ZBTB20: variants seen among roughly 807,000 people sequenced by gnomAD.
ZBTB20 encodes zinc finger and BTB domain containing 20.
A neutral mutation model predicts 56.9 loss-of-function variants in ZBTB20; 9 were observed. The ratio of observed to expected loss-of-function variants is 0.16; its 90% CI spans 0.10 to 0.28. The LOEUF (loss-of-function observed/expected upper bound fraction) is 0.28, where lower values mean the gene tolerates loss of function less well. Ranked by LOEUF, ZBTB20 falls within the 10% of genes least tolerant of loss-of-function variation. The pLI is 1.00. For missense variants in ZBTB20, 655 were observed against 1,003.0 expected (o/e 0.65, Z 4.69); for synonymous variants, 417 against 420.7 (o/e 0.99, Z 0.11).
chr3:114,629,479 C>A (rs1399127973), intron 6 of ZBTB20, among the ~76,000 whole-genome samples: 1 of 152,048 alleles, frequency 6.6e-6, no homozygotes, highest in Non-Finnish European at 1.5e-5. Flanking sequence ...TCAGTAAAAT[C>A]ATGTAAAATA....
At chr3:114,636,763 A>T (rs768132999) in intron 6 of ZBTB20, among the ~76,000 whole-genome samples, 4 of 152,116 alleles carry the variant, frequency 2.6e-5, no homozygotes, top group African/African-American at 4.8e-5. Context: ...CAAAGGAACT[A>T]CAAAACAACC....
chr3:114,450,873 A>AATTG (rs1464893499), intron 7 of ZBTB20, among the ~76,000 whole-genome samples: 2 of 152,152 alleles, frequency 1.3e-5, no homozygotes, highest in Non-Finnish European at 2.9e-5. Context: ...CAATCATACC[A>AATTG]ATTGATTAAA....
intron 7 of ZBTB20, among the ~76,000 whole-genome samples, chr3:114,414,459 C>T (rs1432871922): frequency 6.6e-5 from 10 of 152,128 alleles, no homozygotes; most frequent in South Asian, 6.2e-4. Flanking sequence ...TCTGAATGAG[C>T]TTTGTTTCTC....
At chr3:114,571,957 T>G (rs1205961254) in intron 6 of ZBTB20, among the ~76,000 whole-genome samples, 1 of 152,192 alleles carries the variant, frequency 6.6e-6, no homozygotes, top group Non-Finnish European at 1.5e-5. Context: ...AAGACATATG[T>G]GCAAGTCCAA....
At chr3:114,398,949 A>G (rs1484797473) in intron 7 of ZBTB20, among the ~76,000 whole-genome samples, 2 of 152,192 alleles carry the variant, frequency 1.3e-5, no homozygotes, top group Non-Finnish European at 2.9e-5. Context: ...TAAAACCCCA[A>G]ATAATGAATT....
At chr3:114,474,278 T>G (rs2040488300) in intron 7 of ZBTB20, among the ~76,000 whole-genome samples, 1 of 152,226 alleles carries the variant, frequency 6.6e-6, no homozygotes, top group Non-Finnish European at 1.5e-5. Context: ...CACTGTAAAA[T>G]TGACCCCATT....
At chr3:114,841,533 G>C (rs1454301057) in intron 4 of ZBTB20, among the ~76,000 whole-genome samples, 1 of 152,130 alleles carries the variant, frequency 6.6e-6, no homozygotes, top group Non-Finnish European at 1.5e-5. Context: ...CTGGATGAGA[G>C]TAGTAGTTCT....
rs1006134629 is a variant in ZBTB20 at position 114,977,082 on chromosome 3, A to G, written c.-506-2666T>C. On this transcript the variant is annotated intron_variant, in intron 2 of 11. Coordinates refer to ENST00000675478, the MANE Select transcript of ZBTB20 (RefSeq NM_001348800.3). The stretch of plus-strand genomic sequence containing the variant: ...AAGAAGTCATAGATAACAAAAGAAT[A>G]AGAAAGAATCAGAAGAAAATTAAGT... Among the ~76,000 whole-genome samples, 7 of 152,226 alleles carry G rather than the reference A, an allele frequency of 4.6e-5. 1 individual carries two copies. The highest frequency in any genetic ancestry group is 4.6e-4 in the Admixed American group (7 of 15,290).
In ZBTB20 at chr3:114,329,723, A is replaced by C. The variant is rs1298310538; in HGVS notation, c.*9282T>G. On this transcript the variant is annotated 3_prime_UTR_variant, in exon 12 of 12. Transcript: ENST00000675478. The stretch of plus-strand genomic sequence containing the variant: ...TACTTTTTTTGGAAAAAAAAAAAAA[A>C]AAAAAAAAAAAAAACAACTCCCAGG... 2 of 141,524 alleles carry C rather than the reference A, an allele frequency of 1.4e-5. No individual in the cohort carries two copies. The highest frequency in any genetic ancestry group is 7.0e-5 in the Admixed American group (1 of 14,204). 8.8% of individuals were successfully genotyped at this position (141,524 alleles called of 1,614,324 possible).
intron 5 of ZBTB20, among the ~76,000 whole-genome samples, chr3:114,778,069 G>A (rs1383904875): frequency 1.5e-5 from 2 of 130,558 alleles, no homozygotes; most frequent in African/African-American, 2.7e-5. Flanking sequence ...CACAGGAAGG[G>A]GAACATCACA....
chr3:114,352,456 T>C (rs1347181362), intron 10 of ZBTB20, among the ~76,000 whole-genome samples: 2 of 152,178 alleles, frequency 1.3e-5, no homozygotes. Flanking sequence ...ACACCATGTA[T>C]GCAAAAATTA....
At chr3:114,515,571 A>T (rs945636137) in intron 6 of ZBTB20, among the ~76,000 whole-genome samples, 3 of 152,144 alleles carry the variant, frequency 2.0e-5, no homozygotes, top group African/African-American at 7.2e-5. Flanking sequence ...AGTTTCATTC[A>T]TTACTCTATT....
In ZBTB20 at chr3:114,955,857, T is replaced by TAG. The variant is rs576338663; in HGVS notation, c.-456+18507_-456+18508dup. 2.0e-3 allele frequency among the ~76,000 whole-genome samples: 308 copies of TAG among 152,196 alleles called. 8 individuals carry two copies. In the South Asian group the frequency reaches 0.06, roughly 30 times the overall value. On this transcript the variant is annotated intron_variant, in intron 3 of 11. Coordinates refer to ENST00000675478, the MANE Select transcript of ZBTB20 (RefSeq NM_001348800.3). Reference sequence around the variant, plus strand: ...TAAAGAAATGGCCACTTTTCATAGATAGAGCAATATAAGTGGAAAATAACC... The same window carrying TAG: ...TAAAGAAATGGCCACTTTTCATAGATAGAGAGCAATATAAGTGGAAAATAACC...
chr3:114,526,372 G>C (rs2047224539), intron 6 of ZBTB20, among the ~76,000 whole-genome samples: 1 of 152,136 alleles, frequency 6.6e-6, no homozygotes, highest in South Asian at 2.1e-4. Context: ...TATTGAATAA[G>C]TATCATTCAC....
chr3:115,143,959 T>G (rs2084893088), intron 1 of ZBTB20, among the ~76,000 whole-genome samples: 1 of 152,188 alleles, frequency 6.6e-6, no homozygotes, highest in Non-Finnish European at 1.5e-5. Flanking sequence ...TCTCCTCCCC[T>G]AACAATCTAA....
intron 7 of ZBTB20, among the ~76,000 whole-genome samples, chr3:114,410,791 G>C (rs1378986276): frequency 6.6e-6 from 1 of 152,146 alleles, no homozygotes; most frequent in East Asian, 1.9e-4. Context: ...ATGATGAATG[G>C]AGCAGACAGG....
rs2078717485 is a variant in ZBTB20 at position 114,317,188 on chromosome 3, TG to T, written c.*21816del. 6.6e-6 allele frequency: 1 copy of T among 152,342 alleles called. No homozygotes were observed. The highest frequency in any genetic ancestry group is 6.5e-5 in the Admixed American group (1 of 15,306). The allele number at this position is 152,342 out of a possible 1,614,324, so 9.4% of individuals were successfully genotyped here. On this transcript the variant is annotated 3_prime_UTR_variant, in exon 12 of 12. Coordinates refer to ENST00000675478, the MANE Select transcript of ZBTB20 (RefSeq NM_001348800.3). ...GAATAAGGCACCAGAGAAATCAAAA[TG>T]TTACAAAAAGATGCAAACCCCATTT... is the stretch of plus-strand genomic sequence containing the variant.
At chr3:114,993,994 G>C (rs2078925410) in intron 2 of ZBTB20, among the ~76,000 whole-genome samples, 1 of 151,596 alleles carries the variant, frequency 6.6e-6, no homozygotes, top group Non-Finnish European at 1.5e-5. Flanking sequence ...AATATATTAG[G>C]CTAAACCATA....
intron 7 of ZBTB20, among the ~76,000 whole-genome samples, chr3:114,499,722 T>G (rs2043719385): frequency 6.6e-6 from 1 of 152,188 alleles, no homozygotes; most frequent in African/African-American, 2.4e-5. Flanking sequence ...TTTTTTCATA[T>G]AAAATCGTGT....
Sources: gnomAD v4.1 joint callset for allele counts (sites outside exome capture counted in the v4.1 genomes callset) on GRCh38, gnomAD v4.1.1 for gene constraint, MANE v1.5 for transcripts, NCBI Gene and HGNC (gene_info 2026-07-23, HGNC 2026-07-21) for gene names.